The following MED26 variants were observed in gnomAD, a reference collection of about 807,000 sequenced individuals.
The protein encoded by MED26 is mediator complex subunit 26.
Under a neutral mutation model 43.7 loss-of-function variants are expected in MED26, and 7 were observed. The ratio of observed to expected loss-of-function variants is 0.16; its 90% confidence interval spans 0.09 to 0.30. The LOEUF is 0.30. Among genes scored for constraint, MED26 ranks in the 10% least tolerant of loss-of-function variants. MED26 has a pLI of 1.00. For missense variants in MED26, 784 were observed against 840.6 expected (o/e 0.93, Z 0.83); for synonymous variants, 375 against 371.1 (o/e 1.01, Z -0.12).
chr19:16,575,409 T>C lies in MED26; in HGVS notation c.*618A>G, dbSNP rs1052116704. On this transcript the variant is annotated 3_prime_UTR_variant, in exon 3 of 3. Transcript: ENST00000263390. ...CCAGATATAAACAGGTGGCTGCCCA[T>C]GGAGTGTGGGTCACACTGGCTGGCC... 2.6e-5 allele frequency: 4 copies of C among 153,086 alleles called. No individual in the cohort carries two copies. The highest frequency in any genetic ancestry group is 9.6e-5 in the African/African-American group (4 of 41,588). The allele number at this position is 153,086 out of a possible 1,614,324, so 9.5% of individuals were successfully genotyped here.
intron 1 of MED26, among the ~76,000 whole-genome samples, chr19:16,613,498 G>C (rs965419140): frequency 6.6e-6 from 1 of 152,134 alleles, no homozygotes; most frequent in Non-Finnish European, 1.5e-5. Flanking sequence ...AAAGACAGCA[G>C]AGTCCCCAGC....
chr19:16,589,820 G>A (rs1024310927), intron 1 of MED26, among the ~76,000 whole-genome samples: 2 of 152,200 alleles, frequency 1.3e-5, no homozygotes, highest in East Asian at 3.8e-4. Flanking sequence ...TGATCTTAGA[G>A]GCCACCTCAT....
At chr19:16,595,561 C>T (rs1244460509) in intron 1 of MED26, among the ~76,000 whole-genome samples, 1 of 152,152 alleles carries the variant, frequency 6.6e-6, no homozygotes, top group Non-Finnish European at 1.5e-5. Flanking sequence ...GCCCAGCAGA[C>T]CCAAGAATGG....
At chr19:16,596,089 C>T (rs970226727) in intron 1 of MED26, among the ~76,000 whole-genome samples, 1 of 152,102 alleles carries the variant, frequency 6.6e-6, no homozygotes, top group Non-Finnish European at 1.5e-5. Context: ...TGGCTCACTG[C>T]AGCTTCGACC....
chr19:16,581,426 C>T (rs1211105571), intron 1 of MED26, among the ~76,000 whole-genome samples: 1 of 152,224 alleles, frequency 6.6e-6, no homozygotes, highest in South Asian at 2.1e-4. Flanking sequence ...AGCACCGACT[C>T]AGTCCCTGGG....
rs2086292045 is a variant in MED26 at position 16,628,091 on chromosome 19, G to A, written c.-148C>T. On this transcript the variant is annotated 5_prime_UTR_variant, in exon 1 of 3. Transcript: ENST00000263390. ...GGTTGGGGGCGCGCGGGGTGGCGGA[G>A]AGGGGAGCCGGGGCCGGGTCTCGGT... 5.0e-6 allele frequency: 2 copies of A among 402,532 alleles called. No individual in the cohort carries two copies. Among genetic ancestry groups the A allele is most frequent in the Non-Finnish European group, 8.6e-6 (2 of 233,592 alleles). 24.9% of individuals were successfully genotyped at this position (402,532 alleles called of 1,614,324 possible).
rs367987364 is a variant in MED26, at chr19:16,591,581, C to A, written c.73-13172G>T. ...CACTTCCCAAGGCTGAACTTACACA[C>A]ACACCCCCTTGTATGCCTACCTATA... On this transcript the variant is annotated intron_variant, in intron 1 of 2. Coordinates refer to ENST00000263390, the MANE Select transcript of MED26 (RefSeq NM_004831.5). Among the ~76,000 whole-genome samples, 75 of 152,330 alleles carry A rather than the reference C, an allele frequency of 4.9e-4. 1 individual carries two copies. The highest frequency in any genetic ancestry group is 1.7e-3 in the African/African-American group (72 of 41,574).
intron 1 of MED26, among the ~76,000 whole-genome samples, chr19:16,626,223 A>G (rs537604148): frequency 4.6e-5 from 7 of 152,344 alleles, no homozygotes; most frequent in African/African-American, 1.7e-4. Flanking sequence ...ATATCTCAGC[A>G]ACCTCTCAGA....
intron 1 of MED26, among the ~76,000 whole-genome samples, chr19:16,584,038 C>T (rs963645742): frequency 1.3e-5 from 2 of 152,122 alleles, no homozygotes; most frequent in Non-Finnish European, 2.9e-5. Flanking sequence ...CGCCCAAGAC[C>T]ACAAGAGGTC....
rs573156860 is a variant in MED26 at position 16,575,911 on chromosome 19, C to T, written c.*116G>A. Reference sequence around the variant, plus strand: ...CCCGCCCCCTCCCTCCCGCCTGGGCCGGACTCCCCGAGTTCCCAGCGCAGG... The same window carrying T: ...CCCGCCCCCTCCCTCCCGCCTGGGCTGGACTCCCCGAGTTCCCAGCGCAGG... On this transcript the variant is annotated 3_prime_UTR_variant, in exon 3 of 3. Coordinates refer to ENST00000263390, the MANE Select transcript of MED26 (RefSeq NM_004831.5). The T allele has an allele frequency of 1.0e-4, 91 of 900,744 alleles. 1 individual carries two copies. Among genetic ancestry groups the T allele is most frequent in the Admixed American group, 1.8e-4 (7 of 38,102 alleles). The allele number at this position is 900,744 out of a possible 1,614,324, so 55.8% of individuals were successfully genotyped here. A position where few individuals can be genotyped will look rare whatever the true frequency, so the allele number is the denominator to read the frequency against.
In MED26 at chr19:16,575,852, T is replaced by G; in HGVS notation, c.*175A>C. 1 of 602,764 alleles carries G rather than the reference T, an allele frequency of 1.7e-6. No homozygotes were observed. Among genetic ancestry groups the G allele is most frequent in the Non-Finnish European group, 2.9e-6 (1 of 344,218 alleles). The allele number at this position is 602,764 out of a possible 1,614,324, so 37.3% of individuals were successfully genotyped here. A position where few individuals can be genotyped will look rare whatever the true frequency, so the allele number is the denominator to read the frequency against. ...TGGTAGCAGCATTTCACAAAAAGAG[T>G]TTTGAGGGAAGAGCGCAGAGAGACC... On this transcript the variant is annotated 3_prime_UTR_variant, in exon 3 of 3. Coordinates refer to ENST00000263390, the MANE Select transcript of MED26 (RefSeq NM_004831.5).
chr19:16,595,501 C>G (rs994292186), intron 1 of MED26, among the ~76,000 whole-genome samples: 4 of 152,206 alleles, frequency 2.6e-5, no homozygotes, highest in Non-Finnish European at 5.9e-5. Flanking sequence ...AAATGGACAC[C>G]TGGAAACTCA....
At chr19:16,578,486 T>C in intron 1 of MED26, 77 bp from the exon 2 acceptor site, 1 of 1,354,992 alleles carries the variant, frequency 7.4e-7, no homozygotes, top group Non-Finnish European at 1.0e-6. Context: ...CCCAGCCTGC[T>C]CCAGTCTCTC....
At chr19:16,615,787 C>T (rs1410208961) in intron 1 of MED26, among the ~76,000 whole-genome samples, 1 of 152,022 alleles carries the variant, frequency 6.6e-6, no homozygotes, top group Non-Finnish European at 1.5e-5. Flanking sequence ...CAGGCTTCAC[C>T]TCAGACCAGC....
chr19:16,580,770 C>T (rs2086041309), intron 1 of MED26, among the ~76,000 whole-genome samples: 1 of 152,156 alleles, frequency 6.6e-6, no homozygotes, highest in South Asian at 2.1e-4. Context: ...ATCCAGCTCA[C>T]ACCCCCTCCC....
intron 1 of MED26, among the ~76,000 whole-genome samples, chr19:16,602,636 T>C (rs879654602): frequency 5.3e-5 from 8 of 152,230 alleles, no homozygotes; most frequent in African/African-American, 1.9e-4. Context: ...AAGTGTGATA[T>C]ATCTGAACAA....
intron 1 of MED26, among the ~76,000 whole-genome samples, chr19:16,612,395 C>T (rs2086203648): frequency 6.6e-6 from 1 of 152,176 alleles, no homozygotes; most frequent in African/African-American, 2.4e-5. Flanking sequence ...AGCGATCCTC[C>T]CACCTCAGCC....
At chr19:16,589,357 G>A (rs1247473221) in intron 1 of MED26, 1 of 152,308 alleles carries the variant, frequency 6.6e-6, no homozygotes, top group Non-Finnish European at 1.5e-5. Flanking sequence ...CAGAGCAGCT[G>A]TATCAGAACA....
intron 1 of MED26, among the ~76,000 whole-genome samples, chr19:16,621,640 A>G (rs2086251939): frequency 6.6e-6 from 1 of 152,146 alleles, no homozygotes; most frequent in Non-Finnish European, 1.5e-5. Flanking sequence ...GGCTCCACAG[A>G]GAATCGCAGA....
Sources: allele counts gnomAD v4.1 joint callset (sites outside exome capture counted in the v4.1 genomes callset), GRCh38; gene constraint gnomAD v4.1.1; transcripts MANE v1.5; gene names NCBI Gene and HGNC (gene_info 2026-07-23, HGNC 2026-07-21).